The following PCNX2 variants were observed in gnomAD, a reference collection of about 807,000 sequenced individuals.
PCNX2 encodes pecanex-like protein 2.
PCNX2 carries 168 observed loss-of-function variants against 223.8 expected under a neutral mutation model. The observed-to-expected ratio is 0.75, with a 90% confidence interval of 0.66 to 0.85. The LOEUF (loss-of-function observed/expected upper bound fraction) is 0.85. PCNX2 is among the 40% of genes least tolerant of loss of function. PCNX2 has a pLI of 0.00. For missense variants in PCNX2, 2,507 were observed against 2,675.5 expected (o/e 0.94, Z 1.39); for synonymous variants, 1,006 against 1,052.6 (o/e 0.96, Z 0.86).
At chr1:233,181,271 C>T (rs1293692869) in intron 15 of PCNX2, among the ~76,000 whole-genome samples, 1 of 150,708 alleles carries the variant, frequency 6.6e-6, no homozygotes, top group Non-Finnish European at 1.5e-5. Flanking sequence ...ACAATCTCAG[C>T]TCACTGCAAA....
intron 19 of PCNX2, among the ~76,000 whole-genome samples, chr1:233,143,950 A>G (rs1232762022): frequency 6.6e-6 from 1 of 152,074 alleles, no homozygotes; most frequent in Non-Finnish European, 1.5e-5. Flanking sequence ...AGAAAAAAAA[A>G]TTGCTATAAT....
intron 21 of PCNX2, among the ~76,000 whole-genome samples, chr1:233,131,441 G>C (rs1462459567): frequency 6.6e-6 from 1 of 152,108 alleles, no homozygotes; most frequent in Non-Finnish European, 1.5e-5. Flanking sequence ...AGGACTTTCA[G>C]GCAGAATCTT....
intron 21 of PCNX2, among the ~76,000 whole-genome samples, chr1:233,106,344 C>T (rs1571877986): frequency 6.6e-6 from 1 of 150,672 alleles, no homozygotes; most frequent in South Asian, 2.1e-4. Flanking sequence ...TCCTCTCCTC[C>T]CTCTTTTTTT....
chr1:233,271,389 A>G (rs1343025174), intron 1 of PCNX2, among the ~76,000 whole-genome samples: 1 of 152,222 alleles, frequency 6.6e-6, no homozygotes, highest in African/African-American at 2.4e-5. Context: ...TTTTGGCTTG[A>G]CAAAGTCAAA....
chr1:233,253,683 C>T lies in PCNX2; in HGVS notation c.1835-895G>A, dbSNP rs1314070343. Among the ~76,000 whole-genome samples the T allele has an allele frequency of 6.6e-6, 1 of 152,190 alleles. No homozygotes were observed. The highest frequency in any genetic ancestry group is 2.4e-5 in the African/African-American group (1 of 41,464). On this transcript the variant is annotated intron_variant, in intron 5 of 33. Coordinates refer to ENST00000258229, the MANE Select transcript of PCNX2 (RefSeq NM_014801.4). This position sits in a 1 kb window ranked among gnomAD's most constrained non-coding sequence, Gnocchi z 4.2. ...ACAATATGCTTAGCACTGTGTAGGA[C>T]ACAGAGAGCTACAATACCTATTCCT...
intron 27 of PCNX2, 71 bp from the exon 28 acceptor site, chr1:233,014,848 A>G (rs887021468): frequency 1.6e-6 from 2 of 1,260,488 alleles, no homozygotes. Flanking sequence ...GCATAAATGT[A>G]GAGTGACATT....
intron 13 of PCNX2, 86 bp downstream of exon 13, chr1:233,208,432 G>A: frequency 7.2e-7 from 1 of 1,387,850 alleles, no homozygotes; most frequent in Non-Finnish European, 9.8e-7. Context: ...CAATAATCAA[G>A]TAAGGAAGCT....
At position 233,081,278 on chromosome 1, in the gene PCNX2, G is replaced by A. The variant is rs1219029421; in HGVS notation, c.4076+8783C>T. Among the ~76,000 whole-genome samples the A allele has an allele frequency of 1.1e-4, 16 of 152,210 alleles. No individual in the cohort carries two copies. In the East Asian group the frequency reaches 2.5e-3, roughly 24 times the overall value. Reference sequence around the variant, plus strand: ...AGAGAATTGCTCAAACCTGGGAGGCGGAGGTTGTAGTGAGCCGAGATCACG... The same window carrying A: ...AGAGAATTGCTCAAACCTGGGAGGCAGAGGTTGTAGTGAGCCGAGATCACG... On this transcript the variant is annotated intron_variant, in intron 23 of 33. Coordinates refer to ENST00000258229, the MANE Select transcript of PCNX2 (RefSeq NM_014801.4).
intron 22 of PCNX2, among the ~76,000 whole-genome samples, chr1:233,090,887 A>G (rs1197669104): frequency 2.0e-5 from 3 of 152,226 alleles, no homozygotes; most frequent in African/African-American, 7.2e-5. Flanking sequence ...TAATTGCTCA[A>G]TATTAAACTT....
At chr1:233,051,520 G>A (rs944981545) in intron 25 of PCNX2, among the ~76,000 whole-genome samples, 2 of 152,108 alleles carry the variant, frequency 1.3e-5, no homozygotes, top group Non-Finnish European at 2.9e-5. Flanking sequence ...CAGCCATAAA[G>A]AAAAATAAAA....
chr1:233,252,661 C>G lies in PCNX2; in HGVS notation c.1962G>C (p.Gln654His). Reference protein sequence around the residue: ...DHTSTGPACTQPAKTTAFFQG... With the variant: ...DHTSTGPACTHPAKTTAFFQG... Reference sequence around the variant, plus strand: ...CTTACAAGGCTGTGGTCTTGGCAGGCTGAGTGCATGCGGGGCCGGTGCTAG... The same window carrying G: ...CTTACAAGGCTGTGGTCTTGGCAGGGTGAGTGCATGCGGGGCCGGTGCTAG... Residue 654 changes from glutamine to histidine, a missense_variant, in exon 6 of 34, where the codon CAG becomes CAC. Gln to His is a conservative substitution (Grantham distance 24). This residue lies in a region of PCNX2 where 1,031 missense variants were observed against 1,021.7 expected (regional missense o/e 1.01). Coordinates refer to ENST00000258229, the MANE Select transcript of PCNX2 (RefSeq NM_014801.4). 6.2e-7 allele frequency: 1 copy of G among 1,612,810 alleles called. No homozygotes were observed. Among genetic ancestry groups the G allele is most frequent in the Non-Finnish European group, 8.5e-7 (1 of 1,179,570 alleles).
chr1:233,265,917 A>C (rs986480788), intron 1 of PCNX2, among the ~76,000 whole-genome samples: 5 of 152,204 alleles, frequency 3.3e-5, no homozygotes, highest in Non-Finnish European at 5.9e-5. Context: ...TTATCCTCAT[A>C]AATTTAGGCT....
chr1:233,037,877 T>G (rs1435635324), intron 25 of PCNX2, among the ~76,000 whole-genome samples: 1 of 152,222 alleles, frequency 6.6e-6, no homozygotes, highest in African/African-American at 2.4e-5. Flanking sequence ...TACCTTTAAA[T>G]GAAGCAGCAT....
the PCNX2 span, among the ~76,000 whole-genome samples, chr1:233,308,437 C>A: frequency 7.3e-5 from 11 of 149,758 alleles, no homozygotes; most frequent in African/African-American, 2.7e-4. Context: ...CCAGCCTGGG[C>A]GACAGAGCAA....
chr1:233,132,123 A>G (rs1435318989), intron 21 of PCNX2, among the ~76,000 whole-genome samples: 3 of 152,062 alleles, frequency 2.0e-5, no homozygotes, highest in Admixed American at 2.0e-4. Flanking sequence ...TATTTTCAGT[A>G]GAGATGAGGT....
rs564646356 is a variant in PCNX2, at chr1:233,295,467, C to T, written c.12G>A (p.Gln4=). The T allele has an allele frequency of 3.2e-5, 50 of 1,549,152 alleles. 1 individual carries two copies. The South Asian group carries it at 5.8e-4, about 18-fold the overall frequency. MVS[Q]VLQLLRQGVW... is the part of the protein sequence containing the mutation. ...CGCCCTGCCGGAGCAGCTGCAGCAC[C>T]TGGGACACCATGCCGGCTGCGCCCC... The change falls in exon 1 of 34, where the codon CAG becomes CAA. Residue 4 remains glutamine (Q), a synonymous_variant. Coordinates refer to ENST00000258229, the MANE Select transcript of PCNX2 (RefSeq NM_014801.4). The surrounding 1 kb of genome is among the most constrained non-coding windows in gnomAD (Gnocchi z 4.1).
At position 233,258,258 on chromosome 1, in the gene PCNX2, C is replaced by T; in HGVS notation, c.1604G>A (p.Ser535Asn). ...KRHARVLSVD[S>N]GTDVFLSKSS... is the part of the protein sequence containing the mutation. ...TTTACTCAAGAAGACATCTGTCCCA[C>T]TGTCCACACTGAGCACCCGGGCATG... Residue 535 changes from serine to asparagine, a missense_variant, in exon 5 of 34, where the codon AGT (serine) becomes AAT (asparagine). Physicochemically the swap from Ser to Asn is conservative, Grantham distance 46. This residue lies in a region of PCNX2 where 1,031 missense variants were observed against 1,021.7 expected (regional missense o/e 1.01). Transcript: ENST00000258229. 1.2e-6 allele frequency: 2 copies of T among 1,614,030 alleles called. No individual in the cohort carries two copies. The highest frequency in any genetic ancestry group is 1.7e-6 in the Non-Finnish European group (2 of 1,179,898).
chr1:233,079,295 C>A (rs1008455083), intron 23 of PCNX2, among the ~76,000 whole-genome samples: 1 of 151,930 alleles, frequency 6.6e-6, no homozygotes, highest in African/African-American at 2.4e-5. Flanking sequence ...GAGGCCGAGG[C>A]GAGCAGATCA....
rs536159988 is a variant in PCNX2, at chr1:233,047,982, T to A, written c.4351+6286A>T. 5.9e-5 allele frequency among the ~76,000 whole-genome samples: 9 copies of A among 151,934 alleles called. No individual in the cohort carries two copies. The South Asian group carries it at 1.0e-3, about 18-fold the overall frequency. ...GCCATAAAGCAAGTCTCAATAAATTTAAAAAAAATGGAAATAATATCATCC... is the reference window on the plus strand; with the variant it reads ...GCCATAAAGCAAGTCTCAATAAATTAAAAAAAAATGGAAATAATATCATCC... On this transcript the variant is annotated intron_variant, in intron 25 of 33. Coordinates refer to ENST00000258229, the MANE Select transcript of PCNX2 (RefSeq NM_014801.4).
Sources: allele counts gnomAD v4.1 joint callset (sites outside exome capture counted in the v4.1 genomes callset), GRCh38; gene constraint gnomAD v4.1.1; regional missense constraint gnomAD v4.1.1; non-coding constraint Gnocchi (gnomAD v3.1); transcripts MANE v1.5; gene names NCBI Gene and HGNC (gene_info 2026-07-23, HGNC 2026-07-21).